NRG2: variants seen among roughly 807,000 people sequenced by gnomAD.
NRG2 encodes neuregulin 2.
In NRG2, 27 loss-of-function variants were observed where a neutral mutation model predicts 73.9. The ratio of observed to expected loss-of-function variants is 0.37; its 90% CI spans 0.27 to 0.50. NRG2 has a LOEUF of 0.50. Among genes scored for constraint, NRG2 ranks in the 20% least tolerant of loss-of-function variants. NRG2 has a pLI of 0.96. For missense variants in NRG2, 1,126 were observed against 1,210.1 expected (o/e 0.93, Z 1.03); for synonymous variants, 532 against 541.0 (o/e 0.98, Z 0.23).
chr5:139,996,567 C>T lies in NRG2; in HGVS notation c.700+45803G>A, dbSNP rs186555335. Among the ~76,000 whole-genome samples the T allele has an allele frequency of 2.6e-5, 4 of 152,294 alleles. No individual in the cohort carries two copies. The East Asian group carries it at 7.7e-4, about 29-fold the overall frequency. On this transcript the variant is annotated intron_variant, in intron 1 of 9. Coordinates refer to ENST00000361474, the MANE Select transcript of NRG2 (RefSeq NM_004883.3). ...TAAAGAAAACACGTATCTTCAGGGA[C>T]CTGACTGAAATCTCATTTCTTCCAA... is the stretch of plus-strand genomic sequence containing the variant.
At chr5:139,981,482 G>A (rs1031609520) in intron 1 of NRG2, among the ~76,000 whole-genome samples, 1 of 152,224 alleles carries the variant, frequency 6.6e-6, no homozygotes, top group African/African-American at 2.4e-5. Context: ...GCCTCTGGAA[G>A]GCATTCCCTG....
chr5:140,018,126 G>T (rs1166298485), intron 1 of NRG2, among the ~76,000 whole-genome samples: 1 of 151,988 alleles, frequency 6.6e-6, no homozygotes, highest in Non-Finnish European at 1.5e-5. Flanking sequence ...TAGATCCCAG[G>T]AAGCAAACAA....
chr5:139,962,114 C>T (rs535638984), intron 1 of NRG2, among the ~76,000 whole-genome samples: 3 of 152,208 alleles, frequency 2.0e-5, no homozygotes, highest in Admixed American at 1.3e-4. Context: ...AGGAACTAGC[C>T]CTTGACTGCC....
intron 1 of NRG2, among the ~76,000 whole-genome samples, chr5:139,889,237 A>G (rs1474150777): frequency 6.6e-6 from 1 of 152,218 alleles, no homozygotes; most frequent in African/African-American, 2.4e-5. Flanking sequence ...CATTTCAAGG[A>G]AATGAAAGTT....
chr5:139,881,604 A>C (rs1763530519), intron 2 of NRG2, among the ~76,000 whole-genome samples: 1 of 152,238 alleles, frequency 6.6e-6, no homozygotes, highest in Non-Finnish European at 1.5e-5. Flanking sequence ...ACCTTGGGGA[A>C]CAAAAAGATC....
intron 1 of NRG2, among the ~76,000 whole-genome samples, chr5:140,021,197 A>AT (rs1484711401): frequency 6.6e-6 from 1 of 152,176 alleles, no homozygotes. Flanking sequence ...CATTAGCTCT[A>AT]TTTTATTGTT....
intron 4 of NRG2, among the ~76,000 whole-genome samples, chr5:139,866,050 G>A (rs1762449397): frequency 6.6e-6 from 1 of 152,170 alleles, no homozygotes. Flanking sequence ...CTCCTCCCAG[G>A]ACCGACTGAA....
intron 1 of NRG2, among the ~76,000 whole-genome samples, chr5:139,926,611 G>A (rs548126758): frequency 1.3e-5 from 2 of 152,298 alleles, no homozygotes; most frequent in East Asian, 3.9e-4. Flanking sequence ...CTCTGGGCAG[G>A]AAAACAGTCT....
At chr5:140,025,375 C>T (rs912860525) in intron 1 of NRG2, among the ~76,000 whole-genome samples, 3 of 152,146 alleles carry the variant, frequency 2.0e-5, no homozygotes, top group Non-Finnish European at 4.4e-5. Flanking sequence ...AGGCTATGTT[C>T]CTTGGGCATG....
chr5:139,889,935 G>A (rs186549314), intron 1 of NRG2, among the ~76,000 whole-genome samples: 7 of 152,352 alleles, frequency 4.6e-5, no homozygotes, highest in Non-Finnish European at 7.3e-5. Flanking sequence ...CACATAGAGA[G>A]CATTTAACAA....
intron 1 of NRG2, among the ~76,000 whole-genome samples, chr5:139,936,557 T>C (rs1353036285): frequency 6.6e-6 from 1 of 152,184 alleles, no homozygotes; most frequent in African/African-American, 2.4e-5. Flanking sequence ...GGCTTCATGG[T>C]GAATTCTACT....
At chr5:139,985,399 T>C (rs1235330317) in intron 1 of NRG2, among the ~76,000 whole-genome samples, 2 of 151,534 alleles carry the variant, frequency 1.3e-5, no homozygotes, top group Non-Finnish European at 2.9e-5. Flanking sequence ...GTGCCTGGCC[T>C]TTCTCCATGG....
chr5:139,940,784 G>A (rs35044870), intron 1 of NRG2, among the ~76,000 whole-genome samples: 23,269 of 152,072 alleles, frequency 0.15, 1,986 homozygotes, highest in South Asian at 0.25. Flanking sequence ...TGGAGTCTGA[G>A]ATATGTGGGA....
chr5:140,036,655 T>C (rs2126704089), intron 1 of NRG2, among the ~76,000 whole-genome samples: 1 of 152,190 alleles, frequency 6.6e-6, no homozygotes, highest in African/African-American at 2.4e-5. Context: ...AAAAAGTAAG[T>C]GGGAGGAGAG....
rs1761478885 is a variant in NRG2 at position 139,852,134 on chromosome 5, T to C, written c.1544+298A>G. Among the ~76,000 whole-genome samples, 1 of 152,150 alleles carries C rather than the reference T, an allele frequency of 6.6e-6. No homozygotes were observed. The highest frequency in any genetic ancestry group is 2.4e-5 in the African/African-American group (1 of 41,414). The stretch of plus-strand genomic sequence containing the variant: ...GTCTGGGACCTTTCCACCACCGTGG[T>C]CCTTAGCTACCTATCTCAGAAGCCC... On this transcript the variant is annotated intron_variant, in intron 8 of 9. Coordinates refer to ENST00000361474, the MANE Select transcript of NRG2 (RefSeq NM_004883.3). This position sits in a 1 kb window ranked among gnomAD's most constrained non-coding sequence, Gnocchi z 4.4.
intron 1 of NRG2, among the ~76,000 whole-genome samples, chr5:139,906,392 G>T (rs1185872104): frequency 1.3e-5 from 2 of 152,056 alleles, no homozygotes; most frequent in African/African-American, 2.4e-5. Context: ...GGTGTCCAAA[G>T]CCCTATTCTA....
At chr5:139,859,000 C>T (rs1253381919) in intron 5 of NRG2, among the ~76,000 whole-genome samples, 1 of 152,156 alleles carries the variant, frequency 6.6e-6, no homozygotes, top group East Asian at 1.9e-4. Flanking sequence ...GTAGGCTCTG[C>T]ACCATGTCTG....
At chr5:139,991,960 C>A (rs530484988) in intron 1 of NRG2, among the ~76,000 whole-genome samples, 1 of 152,088 alleles carries the variant, frequency 6.6e-6, no homozygotes, top group Non-Finnish European at 1.5e-5. Context: ...ACTATAAGTT[C>A]ATAATAAGTC....
chr5:140,039,695 C>CA (rs199679387), intron 1 of NRG2, among the ~76,000 whole-genome samples: 161 of 150,978 alleles, frequency 1.1e-3, no homozygotes, highest in Non-Finnish European at 2.0e-3. Flanking sequence ...TGCCCCCCTC[C>CA]AAAAAAAAAC....
Sources: allele counts gnomAD v4.1 joint callset (sites outside exome capture counted in the v4.1 genomes callset), GRCh38; gene constraint gnomAD v4.1.1; non-coding constraint Gnocchi (gnomAD v3.1); transcripts MANE v1.5; gene names NCBI Gene and HGNC (gene_info 2026-07-23, HGNC 2026-07-21).